PRKAG1: variants seen among roughly 807,000 people sequenced by gnomAD.
PRKAG1 encodes the protein 5'-AMP-activated protein kinase subunit gamma-1.
A neutral mutation model predicts 48.2 loss-of-function variants in PRKAG1; 27 were observed. The observed-to-expected ratio is 0.56, with a 90% CI of 0.41 to 0.77. PRKAG1 has a LOEUF of 0.77. PRKAG1 is among the 30% of genes least tolerant of loss of function. The probability of loss-of-function intolerance (pLI) is 0.00; values close to 1 mark genes in which losing one functional copy is unlikely to be tolerated. For synonymous variants in PRKAG1, 130 were observed against 147.7 expected (o/e 0.88, Z 0.87); for missense variants, 287 against 398.3 (o/e 0.72, Z 2.38).
chr12:49,002,838 A>G lies in PRKAG1; in HGVS notation c.*61T>C. 1 of 1,463,898 alleles carries G rather than the reference A, an allele frequency of 6.8e-7. No homozygotes were observed. The allele number at this position is 1,463,898 out of a possible 1,614,324, so 90.7% of individuals were successfully genotyped here. On this transcript the variant is annotated 3_prime_UTR_variant, in exon 12 of 12. Coordinates refer to ENST00000548065, the MANE Select transcript of PRKAG1 (RefSeq NM_002733.5). The stretch of plus-strand genomic sequence containing the variant: ...CTCAAGTTTCATCTGATTCCCACAG[A>G]GCTTCCAGCAGGCAGTGAGTTGGGC...
chr12:49,005,229 G>C lies in PRKAG1; in HGVS notation c.310-64C>G, dbSNP rs1941487907. ...CTGCTTCCTTAAGCCCTCGTGGCTT[G>C]CTTGGAGAAAAAGAAATGAGAATGA... On this transcript the variant is annotated intron_variant, in intron 5 of 11. Transcript: ENST00000548065. This position sits in a 1 kb window ranked among gnomAD's most constrained non-coding sequence, Gnocchi z 4.1. 6.2e-7 allele frequency: 1 copy of C among 1,612,354 alleles called. No homozygotes were observed. The highest frequency in any genetic ancestry group is 1.3e-5 in the African/African-American group (1 of 74,864).
At chr12:49,018,467 G>A (rs1942094614) in intron 1 of PRKAG1, 1 of 1,351,520 alleles carries the variant, frequency 7.4e-7, no homozygotes, top group African/African-American at 1.5e-5. Context: ...CGGCATACGT[G>A]GGCCCCAAGG....
In PRKAG1 at chr12:49,005,337, T is replaced by C. The variant is rs1402635317; in HGVS notation, c.278A>G (p.Asn93Ser). ...VGMLTITDFI[N>S]ILHRYYKSAL... ...TGATTTATAGTAGCGGTGCAGGATA[T>C]TGATGAAATCAGTGATGGTCAGCAT... Residue 93 changes from asparagine to serine, a missense_variant, in exon 5 of 12, where the codon AAT (asparagine) becomes AGT (serine). Physicochemically the swap from Asn to Ser is conservative, Grantham distance 46 (BLOSUM62 1). This residue lies in a region of PRKAG1 where 224 missense variants were observed against 344.3 expected (regional missense o/e 0.65). Coordinates refer to ENST00000548065, the MANE Select transcript of PRKAG1 (RefSeq NM_002733.5). This position sits in a 1 kb window ranked among gnomAD's most constrained non-coding sequence, Gnocchi z 4.1. 1.9e-6 allele frequency: 3 copies of C among 1,614,054 alleles called. No homozygotes were observed. The highest frequency in any genetic ancestry group is 2.2e-5 in the East Asian group (1 of 44,884).
intron 2 of PRKAG1, among the ~76,000 whole-genome samples, chr12:49,009,665 T>A (rs1941680866): frequency 6.6e-6 from 1 of 152,134 alleles, no homozygotes. Context: ...CAGGCTGGAG[T>A]GCAATGGTGC....
intron 1 of PRKAG1, among the ~76,000 whole-genome samples, chr12:49,014,157 T>C (rs1941875284): frequency 1.3e-5 from 2 of 152,196 alleles, no homozygotes; most frequent in Admixed American, 6.5e-5. Context: ...GTGCTGGGAT[T>C]ACAGGCATGA....
At chr12:49,008,256 G>A (rs984742827) in intron 2 of PRKAG1, among the ~76,000 whole-genome samples, 2 of 151,902 alleles carry the variant, frequency 1.3e-5, no homozygotes, top group Non-Finnish European at 2.9e-5. Context: ...TGTTTTACCT[G>A]GAGTTAATGT....
chr12:49,005,254 A>G lies in PRKAG1; in HGVS notation c.309+52T>C. 1.9e-6 allele frequency: 3 copies of G among 1,612,770 alleles called. No homozygotes were observed. The South Asian group carries it at 3.3e-5, about 18-fold the overall frequency. On this transcript the variant is annotated intron_variant, in intron 5 of 11. Transcript: ENST00000548065. This position sits in a 1 kb window ranked among gnomAD's most constrained non-coding sequence, Gnocchi z 4.1. ...GCTTGGAGAAAAAGAAATGAGAATG[A>G]GGGATTTAGGGCAGGGAAAGTGATT...
At chr12:49,018,605 G>A in intron 1 of PRKAG1, 127 bp downstream of exon 1, 1 of 1,573,960 alleles carries the variant, frequency 6.4e-7, no homozygotes, top group Non-Finnish European at 8.6e-7. Context: ...GGATAGGGCA[G>A]ACACCCGGCT....
At chr12:49,016,394 T>C (rs80198554) in intron 1 of PRKAG1, among the ~76,000 whole-genome samples, 6,931 of 152,318 alleles carry the variant, frequency 0.046, 504 homozygotes, top group African/African-American at 0.15. Flanking sequence ...TTGACAACCA[T>C]AGATGTCACA....
At chr12:49,004,781 G>C (rs1190516602) in intron 7 of PRKAG1, 148 bp from the exon 8 acceptor site, 1 of 1,353,226 alleles carries the variant, frequency 7.4e-7, no homozygotes, top group Admixed American at 1.8e-5. Context: ...AAGAGAGAGA[G>C]AGAGAGAGTG....
chr12:49,018,569 CGAA>C (rs1942103078), intron 1 of PRKAG1, 160 bp downstream of exon 1: 2 of 1,481,302 alleles, frequency 1.4e-6, no homozygotes, highest in Non-Finnish European at 1.8e-6. Flanking sequence ...ATGCGCCCAA[CGAA>C]GAAGCGGAGG....
At chr12:49,010,146 G>T (rs1941699302) in intron 2 of PRKAG1, among the ~76,000 whole-genome samples, 2 of 152,084 alleles carry the variant, frequency 1.3e-5, no homozygotes, top group Non-Finnish European at 2.9e-5. Context: ...GTACATTCCA[G>T]AGTGGGGTGG....
At chr12:49,006,652 A>G (rs150967869) in intron 2 of PRKAG1, among the ~76,000 whole-genome samples, 1 of 152,350 alleles carries the variant, frequency 6.6e-6, no homozygotes, top group Non-Finnish European at 1.5e-5. Flanking sequence ...AATGTGCTAC[A>G]TACTATACTA....
rs1217640955 is a variant in PRKAG1 at position 49,004,513 on chromosome 12, T to C, written c.531A>G (p.Lys177=). The C allele has an allele frequency of 6.2e-7, 1 of 1,613,892 alleles. No individual in the cohort carries two copies. Among genetic ancestry groups the C allele is most frequent in the African/African-American group, 1.3e-5 (1 of 74,874 alleles). ...LTHKRILKFL[K]LFITEFPKPE... ...TGGGCTGAGGAGCACTTACAAACAA[T>C]TTGAGGAACTTCAGAATGCGCTTGT... The change falls in exon 8 of 12, where the codon AAA becomes AAG. Residue 177 remains lysine (K), a synonymous_variant. Transcript: ENST00000548065.
At chr12:49,013,233 C>G in intron 1 of PRKAG1, 123 bp from the exon 2 acceptor site, 1 of 816,268 alleles carries the variant, frequency 1.2e-6, no homozygotes, top group South Asian at 1.6e-5. Flanking sequence ...GCCACTGCCC[C>G]CGCCAAACCC....
chr12:49,006,544 G>A (rs886456145), intron 2 of PRKAG1, among the ~76,000 whole-genome samples: 3 of 152,206 alleles, frequency 2.0e-5, no homozygotes, highest in Non-Finnish European at 4.4e-5. Context: ...ACCTACTCTA[G>A]ACAAATGGGA....
Position 49,015,516 on chromosome 12 carries a change from G to A in PRKAG1, c.10-2406C>T, listed in dbSNP as rs1364750546. Among the ~76,000 whole-genome samples the A allele has an allele frequency of 2.0e-5, 3 of 152,200 alleles. No homozygotes were observed. The South Asian group carries it at 6.2e-4, about 31-fold the overall frequency. On this transcript the variant is annotated intron_variant, in intron 1 of 11. Coordinates refer to ENST00000548065, the MANE Select transcript of PRKAG1 (RefSeq NM_002733.5). ...GTTACAGAGGGAGGAAAGAAACATA[G>A]AGCTAACTAGAGATACAGATACCAA...
chr12:49,005,605 AAC>A lies in PRKAG1; in HGVS notation c.169-64_169-63del. On this transcript the variant is annotated intron_variant, in intron 3 of 11. Transcript: ENST00000548065. The surrounding 1 kb of genome is among the most constrained non-coding windows in gnomAD (Gnocchi z 4.1). The stretch of plus-strand genomic sequence containing the variant: ...CACAGGGGCAGGACTGTAAAAAAAG[AAC>A]AGTGTTTGGGCATGTTGGGTAAAAC... 3 of 1,613,776 alleles carry A rather than the reference AAC, an allele frequency of 1.9e-6. No individual in the cohort carries two copies. Among genetic ancestry groups the A allele is most frequent in the Non-Finnish European group, 1.7e-6 (2 of 1,179,900 alleles).
At position 49,004,600 on chromosome 12, in the gene PRKAG1, G is replaced by C. The variant is rs1259363372; in HGVS notation, c.444C>G (p.Asn148Lys). The stretch of plus-strand genomic sequence containing the variant: ...CAATAACTGGCAGCCTGTGGATCTT[G>C]TTCCGAATTAATGAAGAGACAGCAT... ...LFDAVSSLIR[N>K]KIHRLPVIDP... Residue 148 changes from asparagine (N) to lysine (K), a missense_variant, in exon 8 of 12, where the codon AAC (asparagine) becomes AAG (lysine). Transcript: ENST00000548065. The C allele has an allele frequency of 4.3e-6, 7 of 1,613,982 alleles. No individual in the cohort carries two copies. In the African/African-American group the frequency reaches 6.7e-5, roughly 15 times the overall value.
Sources: gnomAD v4.1 joint callset for allele counts (sites outside exome capture counted in the v4.1 genomes callset) on GRCh38, gnomAD v4.1.1 for gene constraint, gnomAD v4.1.1 regional missense constraint, Gnocchi (gnomAD v3.1) non-coding constraint, MANE v1.5 for transcripts, NCBI Gene and HGNC (gene_info 2026-07-23, HGNC 2026-07-21) for gene names.